NEGR1: variants seen among roughly 807,000 people sequenced by gnomAD.
NEGR1 encodes neuronal growth regulator 1.
A neutral mutation model predicts 40.9 loss-of-function variants in NEGR1; 10 were observed. The ratio of observed to expected loss-of-function variants is 0.24; its 90% CI spans 0.15 to 0.42. The LOEUF is 0.42. Among genes scored for constraint, NEGR1 ranks in the 10% least tolerant of loss-of-function variants. NEGR1 has a pLI of 1.00. For synonymous variants in NEGR1, 185 were observed against 166.8 expected (o/e 1.11, Z -0.84); for missense variants, 352 against 438.9 (o/e 0.80, Z 1.77).
chr1:71,952,037 T>C (rs1421775229), intron 1 of NEGR1, among the ~76,000 whole-genome samples: 2 of 151,886 alleles, frequency 1.3e-5, no homozygotes, highest in East Asian at 3.9e-4. Context: ...TCCTTGGGCC[T>C]TTCTATTCCC....
chr1:71,684,129 G>A (rs994568388), intron 4 of NEGR1, among the ~76,000 whole-genome samples: 3 of 152,082 alleles, frequency 2.0e-5, no homozygotes, highest in Admixed American at 2.0e-4. Flanking sequence ...AATTAGCCGG[G>A]CGTGGTGGTG....
At chr1:72,258,184 T>A (rs993198703) in intron 1 of NEGR1, among the ~76,000 whole-genome samples, 2 of 152,186 alleles carry the variant, frequency 1.3e-5, no homozygotes, top group East Asian at 3.8e-4. Flanking sequence ...TGACAATACC[T>A]AGATTTCTTT....
chr1:72,135,192 C>G (rs1040085926), intron 1 of NEGR1, among the ~76,000 whole-genome samples: 20 of 149,604 alleles, frequency 1.3e-4, no homozygotes, highest in African/African-American at 4.9e-4. Flanking sequence ...CCGGCTAACA[C>G]GGTGAAACCC....
chr1:72,206,122 A>G (rs756447066), intron 1 of NEGR1, among the ~76,000 whole-genome samples: 1 of 151,896 alleles, frequency 6.6e-6, no homozygotes, highest in Non-Finnish European at 1.5e-5. Context: ...GCTAAATATT[A>G]TATTAGAAAT....
chr1:71,543,923 A>T lies in NEGR1; in HGVS notation c.940+48894T>A, dbSNP rs535793074. On this transcript the variant is annotated intron_variant, in intron 6 of 6. Coordinates refer to ENST00000357731, the MANE Select transcript of NEGR1 (RefSeq NM_173808.3). Reference sequence around the variant, plus strand: ...TTGGATAGAATGTTTAGCCATTAAAACCATATGAGGTTTTAGGCCTTATAT... The same window carrying T: ...TTGGATAGAATGTTTAGCCATTAAATCCATATGAGGTTTTAGGCCTTATAT... 2.6e-5 allele frequency among the ~76,000 whole-genome samples: 4 copies of T among 151,762 alleles called. No individual in the cohort carries two copies. In the South Asian group the frequency reaches 6.2e-4, roughly 24 times the overall value.
chr1:72,034,761 C>T (rs989397939), intron 1 of NEGR1, among the ~76,000 whole-genome samples: 1 of 152,070 alleles, frequency 6.6e-6, no homozygotes. Flanking sequence ...GACCATAATA[C>T]AGGAGTTATT....
At position 72,010,059 on chromosome 1, in the gene NEGR1, G is replaced by C. The variant is rs528544862; in HGVS notation, c.177-74748C>G. ...CAAAAAGGAGATTTAAAAATAATTTGACTGAAAACTAAGTCCCCTCTGCCA... is the reference window on the plus strand; with the variant it reads ...CAAAAAGGAGATTTAAAAATAATTTCACTGAAAACTAAGTCCCCTCTGCCA... On this transcript the variant is annotated intron_variant, in intron 1 of 6. Transcript: ENST00000357731. 9.2e-5 allele frequency among the ~76,000 whole-genome samples: 14 copies of C among 152,252 alleles called. 1 individual carries two copies. Among genetic ancestry groups the C allele is most frequent in the Admixed American group, 7.2e-4 (11 of 15,260 alleles).
chr1:71,681,359 T>C (rs1393850922), intron 4 of NEGR1, among the ~76,000 whole-genome samples: 1 of 152,222 alleles, frequency 6.6e-6, no homozygotes, highest in African/African-American at 2.4e-5. Context: ...GATCTTTTTA[T>C]ATTTTTCTAC....
At chr1:72,106,454 A>G (rs922077856) in intron 1 of NEGR1, among the ~76,000 whole-genome samples, 1 of 151,996 alleles carries the variant, frequency 6.6e-6, no homozygotes, top group Admixed American at 6.6e-5. Flanking sequence ...TTCAGTAGAT[A>G]TTGCTAGCTC....
intron 1 of NEGR1, among the ~76,000 whole-genome samples, chr1:72,204,314 C>T (rs751203417): frequency 3.3e-5 from 5 of 152,012 alleles, no homozygotes; most frequent in Non-Finnish European, 5.9e-5. Flanking sequence ...TATCCATTTC[C>T]TCCTTCCTCA....
chr1:71,637,352 C>A (rs1380541531), intron 4 of NEGR1, among the ~76,000 whole-genome samples: 1 of 151,778 alleles, frequency 6.6e-6, no homozygotes, highest in African/African-American at 2.4e-5. Context: ...GAGGCTTTTA[C>A]CATGTTATTG....
intron 1 of NEGR1, among the ~76,000 whole-genome samples, chr1:72,277,061 A>T (rs1419260783): frequency 6.6e-6 from 1 of 152,162 alleles, no homozygotes; most frequent in African/African-American, 2.4e-5. Flanking sequence ...ACAGTGATAT[A>T]CACTGCCCAA....
intron 6 of NEGR1, among the ~76,000 whole-genome samples, chr1:71,459,688 G>A (rs1022369204): frequency 4.6e-5 from 7 of 152,134 alleles, no homozygotes; most frequent in Admixed American, 6.5e-5. Context: ...GCTAAAGGCC[G>A]TAACTGTGTC....
At chr1:71,931,744 T>C (rs1645857173) in intron 2 of NEGR1, among the ~76,000 whole-genome samples, 1 of 152,118 alleles carries the variant, frequency 6.6e-6, no homozygotes, top group Admixed American at 6.6e-5. Flanking sequence ...ACATGAACTT[T>C]GGGGGACACA....
intron 4 of NEGR1, among the ~76,000 whole-genome samples, chr1:71,643,451 T>C (rs368176117): frequency 1.5e-3 from 223 of 152,132 alleles, no homozygotes; most frequent in African/African-American, 5.0e-3. Context: ...AAAAGTTGCA[T>C]TGGATACATA....
At chr1:72,121,101 T>C (rs1649788692) in intron 1 of NEGR1, among the ~76,000 whole-genome samples, 1 of 151,876 alleles carries the variant, frequency 6.6e-6, no homozygotes, top group Non-Finnish European at 1.5e-5. Flanking sequence ...TTTTTTGTAC[T>C]TTTTGTATAA....
chr1:72,155,823 G>T (rs1262486391), intron 1 of NEGR1, among the ~76,000 whole-genome samples: 1 of 152,116 alleles, frequency 6.6e-6, no homozygotes, highest in African/African-American at 2.4e-5. Context: ...TAAAGGCAAT[G>T]TGACATTGGT....
rs576853330 is a variant in NEGR1, at chr1:72,142,087, G to A, written c.176+140232C>T. 1.7e-4 allele frequency among the ~76,000 whole-genome samples: 26 copies of A among 152,080 alleles called. No individual in the cohort carries two copies. The South Asian group carries it at 5.0e-3, about 29-fold the overall frequency. On this transcript the variant is annotated intron_variant, in intron 1 of 6. Coordinates refer to ENST00000357731, the MANE Select transcript of NEGR1 (RefSeq NM_173808.3). ...CCTTTAACAAAGCATCTCCGTATCA[G>A]AGAATCAGACTGCAGAAGCTGGAGA...
intron 2 of NEGR1, among the ~76,000 whole-genome samples, chr1:71,905,232 T>A (rs1213197428): frequency 6.6e-6 from 1 of 152,076 alleles, no homozygotes; most frequent in Non-Finnish European, 1.5e-5. Flanking sequence ...ATTTTTTTCT[T>A]TAACAGCTAT....
Sources: gnomAD v4.1 joint callset for allele counts (sites outside exome capture counted in the v4.1 genomes callset) on GRCh38, gnomAD v4.1.1 for gene constraint, MANE v1.5 for transcripts, NCBI Gene and HGNC (gene_info 2026-07-23, HGNC 2026-07-21) for gene names.